The following AGBL1 variants were observed in gnomAD, a reference collection of about 807,000 sequenced individuals.
The protein encoded by AGBL1 is cytosolic carboxypeptidase 4.
Under a neutral mutation model 118.9 loss-of-function variants are expected in AGBL1, and 130 were observed. That is an observed-to-expected ratio of 1.09 (90% CI 0.95 to 1.26). The LOEUF (loss-of-function observed/expected upper bound fraction) is 1.26. Among genes scored for constraint, AGBL1 ranks in the 50% most tolerant of loss-of-function variants. AGBL1 has a pLI of 0.00. For missense variants in AGBL1, 1,584 were observed against 1,298.1 expected (o/e 1.22, Z -3.38); for synonymous variants, 555 against 478.9 (o/e 1.16, Z -2.08).
At position 86,574,824 on chromosome 15, in the gene AGBL1, G is replaced by A. The variant is rs539831365; in HGVS notation, c.2994+20287G>A. On this transcript the variant is annotated intron_variant, in intron 21 of 22. Coordinates refer to ENST00000614907, the MANE Select transcript of AGBL1 (RefSeq NM_001386094.1). ...AACTCCTGACCTCAAGTGACCTACC[G>A]TCCTTGGCCTCCCAAAGTGCTGGGA... is the stretch of plus-strand genomic sequence containing the variant. 1.1e-4 allele frequency among the ~76,000 whole-genome samples: 17 copies of A among 150,158 alleles called. No homozygotes were observed. In the South Asian group the frequency reaches 2.2e-3, roughly 19 times the overall value.
chr15:86,781,757 G>C (rs919534780), intron 22 of AGBL1, among the ~76,000 whole-genome samples: 27 of 152,272 alleles, frequency 1.8e-4, no homozygotes, highest in Admixed American at 3.9e-4. Context: ...TGGAGCCTCA[G>C]CTTGAGGCTT....
intron 22 of AGBL1, among the ~76,000 whole-genome samples, chr15:86,720,644 T>G (rs1421281429): frequency 1.3e-5 from 2 of 152,074 alleles, no homozygotes; most frequent in African/African-American, 4.8e-5. Context: ...CAGACAAGTA[T>G]GATAGAAAGA....
intron 22 of AGBL1, among the ~76,000 whole-genome samples, chr15:86,902,219 A>T (rs1015117036): frequency 6.6e-6 from 1 of 152,216 alleles, no homozygotes; most frequent in African/African-American, 2.4e-5. Flanking sequence ...CTGTACACTC[A>T]TACCAGGAAT....
intron 22 of AGBL1, among the ~76,000 whole-genome samples, chr15:86,811,698 C>A (rs143731953): frequency 3.9e-5 from 6 of 152,082 alleles, no homozygotes; most frequent in Non-Finnish European, 8.8e-5. Context: ...CTCAAACAGT[C>A]CCAAGATGTT....
chr15:87,004,068 T>C (rs2081470651), intron 24 of AGBL1, among the ~76,000 whole-genome samples: 2 of 152,228 alleles, frequency 1.3e-5, no homozygotes, highest in African/African-American at 2.4e-5. Flanking sequence ...AGGGTATCAA[T>C]TTTAGATCTT....
At chr15:87,026,198 C>CAGTT (rs1194305324) in intron 24 of AGBL1, among the ~76,000 whole-genome samples, 4 of 151,870 alleles carry the variant, frequency 2.6e-5, no homozygotes, top group African/African-American at 9.7e-5. Flanking sequence ...GCAAAAGGAA[C>CAGTT]AGTTAGCAGA....
At chr15:86,659,338 T>C (rs2085505158) in intron 21 of AGBL1, among the ~76,000 whole-genome samples, 1 of 152,200 alleles carries the variant, frequency 6.6e-6, no homozygotes, top group Non-Finnish European at 1.5e-5. Flanking sequence ...GTCAGATTGA[T>C]GGATGAGATG....
intron 17 of AGBL1, among the ~76,000 whole-genome samples, chr15:86,333,941 T>A (rs530710684): frequency 6.6e-6 from 1 of 152,300 alleles, no homozygotes; most frequent in East Asian, 1.9e-4. Context: ...CATATGATCA[T>A]CTAAACAGAT....
chr15:86,309,350 A>G (rs919187784), intron 17 of AGBL1, among the ~76,000 whole-genome samples: 1 of 152,240 alleles, frequency 6.6e-6, no homozygotes, highest in Non-Finnish European at 1.5e-5. Flanking sequence ...GTCATCTACA[A>G]ACAGAAAAAT....
chr15:86,210,640 C>T (rs1455384174), intron 5 of AGBL1, among the ~76,000 whole-genome samples: 3 of 152,174 alleles, frequency 2.0e-5, no homozygotes, highest in African/African-American at 4.8e-5. Flanking sequence ...TCACGTAGTT[C>T]TTGTGCCATG....
chr15:87,006,500 G>A (rs571076721), intron 24 of AGBL1, among the ~76,000 whole-genome samples: 9 of 152,152 alleles, frequency 5.9e-5, no homozygotes, highest in African/African-American at 9.7e-5. Context: ...CCAGGCACGG[G>A]GTATAATCTC....
rs556249771 is a variant in AGBL1, at chr15:86,716,131, A to G, written c.3158+41695A>G. On this transcript the variant is annotated intron_variant, in intron 22 of 22. Coordinates refer to ENST00000614907, the MANE Select transcript of AGBL1 (RefSeq NM_001386094.1). ...CATTTTAGTTTGCTAGTCTATTGGT[A>G]GTAATATCTATATTTTAAAGTGTGC... Among the ~76,000 whole-genome samples, 27 of 151,824 alleles carry G rather than the reference A, an allele frequency of 1.8e-4. No homozygotes were observed. The South Asian group carries it at 5.6e-3, about 32-fold the overall frequency.
chr15:86,174,716 A>G (rs1303948440), intron 5 of AGBL1, among the ~76,000 whole-genome samples: 2 of 152,230 alleles, frequency 1.3e-5, no homozygotes, highest in African/African-American at 2.4e-5. Context: ...GGAATGTTCA[A>G]TTTTATGAAA....
chr15:86,520,241 G>C (rs2083170741), intron 18 of AGBL1, among the ~76,000 whole-genome samples: 1 of 152,188 alleles, frequency 6.6e-6, no homozygotes, highest in Non-Finnish European at 1.5e-5. Context: ...TGTGGATATA[G>C]TCATGCACAC....
At chr15:86,273,111 T>C (rs1190979769) in intron 15 of AGBL1, among the ~76,000 whole-genome samples, 1 of 151,980 alleles carries the variant, frequency 6.6e-6, no homozygotes, top group Non-Finnish European at 1.5e-5. Flanking sequence ...TAGTAACAGA[T>C]TGGACAAACA....
intron 22 of AGBL1, among the ~76,000 whole-genome samples, chr15:86,861,591 G>A (rs184533565): frequency 4.7e-4 from 72 of 152,250 alleles, no homozygotes; most frequent in Non-Finnish European, 7.6e-4. Flanking sequence ...CAGTTTTCCC[G>A]TTTTTACAAT....
chr15:86,141,999 T>C lies in AGBL1; in HGVS notation c.52-5T>C. 1 of 1,549,860 alleles carries C rather than the reference T, an allele frequency of 6.5e-7. No individual in the cohort carries two copies. ...TAAATATGGCTGCCTGTGTTCTCATTGCAGAGCTCCTCTGACAAGGAGTCC... is the reference window on the plus strand; with the variant it reads ...TAAATATGGCTGCCTGTGTTCTCATCGCAGAGCTCCTCTGACAAGGAGTCC... On this transcript the variant is annotated splice_region_variant and splice_polypyrimidine_tract_variant and intron_variant, in intron 1 of 22. Coordinates refer to ENST00000614907, the MANE Select transcript of AGBL1 (RefSeq NM_001386094.1).
chr15:86,734,388 G>A (rs181825938), intron 22 of AGBL1, among the ~76,000 whole-genome samples: 198 of 151,994 alleles, frequency 1.3e-3, no homozygotes, highest in African/African-American at 4.7e-3. Context: ...TCATGAACTT[G>A]ATAGCAGGGA....
At chr15:86,774,931 G>A (rs1448758700) in intron 22 of AGBL1, among the ~76,000 whole-genome samples, 2 of 152,106 alleles carry the variant, frequency 1.3e-5, no homozygotes, top group African/African-American at 4.8e-5. Flanking sequence ...TGCCCTTTAA[G>A]TCACCATAGA....
Sources: gnomAD v4.1 joint callset for allele counts (sites outside exome capture counted in the v4.1 genomes callset) on GRCh38, gnomAD v4.1.1 for gene constraint, MANE v1.5 for transcripts, NCBI Gene and HGNC (gene_info 2026-07-23, HGNC 2026-07-21) for gene names.